CMIP: variants seen among roughly 807,000 people sequenced by gnomAD.
CMIP encodes the protein c-Maf inducing protein.
Under a neutral mutation model 97.3 loss-of-function variants are expected in CMIP, and 13 were observed. The ratio of observed to expected loss-of-function variants is 0.13; its 90% CI spans 0.09 to 0.21. The LOEUF (loss-of-function observed/expected upper bound fraction) is 0.21. CMIP is among the 10% of genes least tolerant of loss of function. The pLI, the probability that CMIP is intolerant of heterozygous loss-of-function variation, is 1.00. For synonymous variants in CMIP, 538 were observed against 436.3 expected (o/e 1.23, Z -2.91); for missense variants, 847 against 1,024.9 (o/e 0.83, Z 2.37).
intron 3 of CMIP, among the ~76,000 whole-genome samples, chr16:81,625,915 C>T (rs1158893639): frequency 2.0e-5 from 3 of 152,382 alleles, no homozygotes; most frequent in Non-Finnish European, 4.4e-5. Flanking sequence ...GGGGCCAAGC[C>T]CCAGAGCCGG....
rs567225184 is a variant in CMIP at position 81,652,700 on chromosome 16, C to T, written c.639+336C>T. 6.6e-6 allele frequency among the ~76,000 whole-genome samples: 1 copy of T among 152,296 alleles called. No individual in the cohort carries two copies. The highest frequency in any genetic ancestry group is 1.5e-5 in the Non-Finnish European group (1 of 68,024). On this transcript the variant is annotated intron_variant, in intron 4 of 20. Transcript: ENST00000537098. The surrounding 1 kb of genome is among the most constrained non-coding windows in gnomAD (Gnocchi z 5.2). The stretch of plus-strand genomic sequence containing the variant: ...GGGTCCAGGGGGATTCAGCTTTCTG[C>T]CCTCGTCACCCCACAAAGCCTGTAG...
intron 1 of CMIP, among the ~76,000 whole-genome samples, chr16:81,456,552 C>T (rs1457174341): frequency 1.3e-5 from 2 of 152,150 alleles, no homozygotes; most frequent in South Asian, 2.1e-4. Flanking sequence ...GCCCTTTGTG[C>T]AGATGTACAT....
intron 1 of CMIP, among the ~76,000 whole-genome samples, chr16:81,590,007 C>A (rs772344345): frequency 6.6e-6 from 1 of 152,038 alleles, no homozygotes; most frequent in Non-Finnish European, 1.5e-5. Flanking sequence ...AGCAGGTGTC[C>A]GGAGGCTGGA....
intron 2 of CMIP, chr16:81,620,320 A>G (rs1353420256): frequency 6.5e-6 from 1 of 152,898 alleles, no homozygotes. Context: ...AAATGCCCAG[A>G]CTTGGAAGCC....
At chr16:81,561,759 A>G (rs2090888335) in intron 1 of CMIP, among the ~76,000 whole-genome samples, 1 of 152,224 alleles carries the variant, frequency 6.6e-6, no homozygotes, top group African/African-American at 2.4e-5. Context: ...GCCACTGGGC[A>G]TGTGTAGCCA....
chr16:81,591,830 CT>C (rs67448056), intron 1 of CMIP, among the ~76,000 whole-genome samples: 263 of 141,704 alleles, frequency 1.9e-3, no homozygotes, highest in Middle Eastern at 3.6e-3. Flanking sequence ...TTCTTTCTTT[CT>C]TTTTTTTTTT....
At chr16:81,635,828 C>T (rs2092227630) in intron 3 of CMIP, among the ~76,000 whole-genome samples, 1 of 152,032 alleles carries the variant, frequency 6.6e-6, no homozygotes, top group Admixed American at 6.6e-5. Context: ...TGGCATTAAG[C>T]TGGTGACAAC....
At chr16:81,660,402 A>C (rs776592752) in intron 5 of CMIP, among the ~76,000 whole-genome samples, 6 of 151,776 alleles carry the variant, frequency 4.0e-5, no homozygotes, top group Non-Finnish European at 7.4e-5. Flanking sequence ...CCTCCCGAGT[A>C]GCTGGGATTA....
intron 1 of CMIP, among the ~76,000 whole-genome samples, chr16:81,479,490 A>C (rs955007025): frequency 6.6e-6 from 1 of 152,006 alleles, no homozygotes; most frequent in African/African-American, 2.4e-5. Context: ...GTCCCCATTA[A>C]ATGTTAACTC....
At chr16:81,495,370 G>A (rs972539494) in intron 1 of CMIP, 34 of 1,513,870 alleles carry the variant, frequency 2.2e-5, no homozygotes, top group South Asian at 7.7e-5. Flanking sequence ...TGGGCTGGGC[G>A]TGCATGGCAT....
chr16:81,476,981 C>T (rs1384641383), intron 1 of CMIP, among the ~76,000 whole-genome samples: 1 of 152,000 alleles, frequency 6.6e-6, no homozygotes, highest in African/African-American at 2.4e-5. Context: ...GTTTCAGCCT[C>T]AACTTGGTGG....
At chr16:81,650,611 C>A (rs1220103339) in intron 3 of CMIP, among the ~76,000 whole-genome samples, 1 of 152,044 alleles carries the variant, frequency 6.6e-6, no homozygotes, top group Non-Finnish European at 1.5e-5. Flanking sequence ...AGATGGGATG[C>A]CGTATTGGCC....
chr16:81,586,059 T>G (rs1406751446), intron 1 of CMIP, among the ~76,000 whole-genome samples: 3 of 151,492 alleles, frequency 2.0e-5, no homozygotes, highest in Non-Finnish European at 4.4e-5. Flanking sequence ...CCCTCTAGCT[T>G]CAGGGATTGG....
At position 81,696,629 on chromosome 16, in the gene CMIP, G is replaced by T; in HGVS notation, c.1600G>T (p.Val534Leu). Residue 534 changes from valine to leucine, a missense_variant, in exon 14 of 21, where the codon GTG becomes TTG. Transcript: ENST00000537098. ...GTTCCAGCTCTACAGCCCCGGAGGG[G>T]TGGCCTGCGACGATGACGGGGAGCT... ...GWFQLYSPGG[V>L]ACDDDGELFA... 1 of 1,607,342 alleles carries T rather than the reference G, an allele frequency of 6.2e-7. No homozygotes were observed. The highest frequency in any genetic ancestry group is 8.5e-7 in the Non-Finnish European group (1 of 1,179,830).
chr16:81,666,774 C>T (rs970944426), intron 7 of CMIP: 4 of 152,190 alleles, frequency 2.6e-5, no homozygotes, highest in South Asian at 2.1e-4. Flanking sequence ...ATCCGCCTCT[C>T]GTGTAGAAGA....
At chr16:81,461,299 C>G (rs1019919758) in intron 1 of CMIP, among the ~76,000 whole-genome samples, 1 of 152,222 alleles carries the variant, frequency 6.6e-6, no homozygotes, top group Non-Finnish European at 1.5e-5. Context: ...TTTTCCTTCT[C>G]CATTTGCCCC....
intron 1 of CMIP, among the ~76,000 whole-genome samples, chr16:81,467,883 C>CTTTT (rs754844403): frequency 7.1e-5 from 8 of 113,434 alleles, no homozygotes; most frequent in East Asian, 2.6e-4. Context: ...GCCTGGCCTT[C>CTTTT]TTTTTTTTTT....
At chr16:81,637,830 T>C (rs923608650) in intron 3 of CMIP, among the ~76,000 whole-genome samples, 2 of 152,206 alleles carry the variant, frequency 1.3e-5, no homozygotes, top group African/African-American at 4.8e-5. Flanking sequence ...CTCATGGTTC[T>C]AGAGGCCAGG....
intron 1 of CMIP, among the ~76,000 whole-genome samples, chr16:81,570,894 A>G (rs1360063612): frequency 6.6e-6 from 1 of 152,142 alleles, no homozygotes; most frequent in African/African-American, 2.4e-5. Context: ...AGAAATGATC[A>G]CAGCCCAGAG....
Sources: allele counts gnomAD v4.1 joint callset (sites outside exome capture counted in the v4.1 genomes callset), GRCh38; gene constraint gnomAD v4.1.1; non-coding constraint Gnocchi (gnomAD v3.1); transcripts MANE v1.5; gene names NCBI Gene and HGNC (gene_info 2026-07-23, HGNC 2026-07-21).